The following MICU1 variants were observed in gnomAD, a reference collection of about 807,000 sequenced individuals.
MICU1 encodes the protein mitochondrial calcium uptake 1, also known as calcium uptake protein 1, mitochondrial.
MICU1 carries 45 observed loss-of-function variants against 56.8 expected under a neutral mutation model. That is an observed-to-expected ratio of 0.79 (90% CI 0.62 to 1.02). MICU1 has a LOEUF of 1.02. Ranked by LOEUF, MICU1 falls within the 50% of genes least tolerant of loss-of-function variation. The pLI is 0.00. For synonymous variants in MICU1, 186 were observed against 195.1 expected, an observed-to-expected ratio of 0.95 and a Z score of 0.39; for missense variants, 504 against 587.1, an observed-to-expected ratio of 0.86 and a Z score of 1.46.
chr10:72,436,150 A>G (rs1320819619), intron 8 of MICU1, among the ~76,000 whole-genome samples: 1 of 152,128 alleles, frequency 6.6e-6, no homozygotes, highest in Non-Finnish European at 1.5e-5. Context: ...GCTGACAGAC[A>G]CCTCATATAG....
chr10:72,497,058 G>C (rs1178203383), intron 6 of MICU1, among the ~76,000 whole-genome samples: 2 of 151,578 alleles, frequency 1.3e-5, no homozygotes, highest in Non-Finnish European at 2.9e-5. Context: ...AAACAAATAA[G>C]AGTTTTCTTT....
At chr10:72,501,494 C>A (rs920976005) in intron 6 of MICU1, among the ~76,000 whole-genome samples, 10 of 151,434 alleles carry the variant, frequency 6.6e-5, no homozygotes, top group African/African-American at 2.2e-4. Flanking sequence ...TGTTACCTTG[C>A]CACCATGCTT....
intron 3 of MICU1, among the ~76,000 whole-genome samples, chr10:72,551,701 C>T (rs191576580): frequency 1.3e-5 from 2 of 152,202 alleles, no homozygotes; most frequent in East Asian, 3.9e-4. Context: ...GGGTACAATG[C>T]CATATATATG....
At chr10:72,508,997 A>C (rs780327853) in intron 5 of MICU1, among the ~76,000 whole-genome samples, 1 of 152,214 alleles carries the variant, frequency 6.6e-6, no homozygotes, top group Non-Finnish European at 1.5e-5. Flanking sequence ...AATCTCACAA[A>C]GAAAGTTAGT....
intron 4 of MICU1, among the ~76,000 whole-genome samples, chr10:72,547,364 CAATT>C (rs1356595879): frequency 6.6e-6 from 1 of 151,972 alleles, no homozygotes; most frequent in Non-Finnish European, 1.5e-5. Flanking sequence ...AAGCTCAATG[CAATT>C]AATGAGAAGT....
At chr10:72,433,429 ATTT>A (rs1230364146) in intron 8 of MICU1, among the ~76,000 whole-genome samples, 5 of 120,746 alleles carry the variant, frequency 4.1e-5, no homozygotes. Context: ...GTATTTTTGT[ATTT>A]TTTTTTTTTT....
At chr10:72,555,021 A>C in intron 3 of MICU1, among the ~76,000 whole-genome samples, 1 of 152,186 alleles carries the variant, frequency 6.6e-6, no homozygotes, top group East Asian at 1.9e-4. Flanking sequence ...TCTCAAAACA[A>C]AACAAAACAT....
intron 4 of MICU1, among the ~76,000 whole-genome samples, chr10:72,544,507 G>A (rs1293514537): frequency 6.6e-6 from 1 of 152,124 alleles, no homozygotes; most frequent in Non-Finnish European, 1.5e-5. Context: ...TGGATATGGT[G>A]GAAAGAAAAT....
intron 6 of MICU1, among the ~76,000 whole-genome samples, chr10:72,485,099 C>T (rs932446035): frequency 6.6e-6 from 1 of 151,924 alleles, no homozygotes; most frequent in Admixed American, 6.6e-5. Flanking sequence ...GAAAATTATT[C>T]AGCCAACAAG....
At position 72,491,734 on chromosome 10, in the gene MICU1, C is replaced by A. The variant is rs192874836; in HGVS notation, c.653-14478G>T. Among the ~76,000 whole-genome samples, 562 of 152,218 alleles carry A rather than the reference C, an allele frequency of 3.7e-3. 2 individuals are homozygous for A. Among genetic ancestry groups the A allele is most frequent in the African/African-American group, 0.013 (531 of 41,524 alleles). On this transcript the variant is annotated intron_variant, in intron 6 of 11. Coordinates refer to ENST00000361114, the MANE Select transcript of MICU1 (RefSeq NM_001195518.2). ...TGGAGGTACTCTAGGTACATACATA[C>A]ATTCAAGTGTAACTCTAAATCACTA...
chr10:72,385,808 C>A (rs936087291), intron 10 of MICU1, among the ~76,000 whole-genome samples: 1 of 152,122 alleles, frequency 6.6e-6, no homozygotes, highest in Non-Finnish European at 1.5e-5. Context: ...CTAGTCAGTC[C>A]CATAACTATG....
chr10:72,558,506 A>G (rs527518829), intron 3 of MICU1, among the ~76,000 whole-genome samples: 11 of 152,292 alleles, frequency 7.2e-5, no homozygotes, highest in Admixed American at 1.3e-4. Flanking sequence ...TAAAACCAGA[A>G]GAAGCTACGG....
At chr10:72,493,539 A>T (rs1274718275) in intron 6 of MICU1, among the ~76,000 whole-genome samples, 1 of 152,086 alleles carries the variant, frequency 6.6e-6, no homozygotes, top group East Asian at 1.9e-4. Flanking sequence ...CAAAGCCTTG[A>T]CCTGCTGGGC....
At chr10:72,603,661 G>A (rs1027247640) in intron 1 of MICU1, among the ~76,000 whole-genome samples, 12 of 151,824 alleles carry the variant, frequency 7.9e-5, no homozygotes, top group African/African-American at 2.9e-4. Context: ...AAAATTAGCC[G>A]GGTGTGGTGG....
intron 4 of MICU1, among the ~76,000 whole-genome samples, chr10:72,535,430 AT>A (rs1839608630): frequency 6.6e-6 from 1 of 152,228 alleles, no homozygotes; most frequent in African/African-American, 2.4e-5. Flanking sequence ...AAAATATAAG[AT>A]AGAATTATAG....
At position 72,528,815 on chromosome 10, in the gene MICU1, C is replaced by T. The variant is rs576450723; in HGVS notation, c.537+4931G>A. The T allele has an allele frequency of 3.5e-4, 65 of 183,926 alleles. No individual in the cohort carries two copies. In the South Asian group the frequency reaches 3.7e-3, roughly 10 times the overall value. 11.4% of individuals were successfully genotyped at this position (183,926 alleles called of 1,614,324 possible). Reference sequence around the variant, plus strand: ...AAATAATTAGAACTCGAATAAAGCACGAAGAAGTATTACATTATAGGAAAA... The same window carrying T: ...AAATAATTAGAACTCGAATAAAGCATGAAGAAGTATTACATTATAGGAAAA... On this transcript the variant is annotated intron_variant, in intron 5 of 11. Transcript: ENST00000361114.
chr10:72,502,571 GAGT>G (rs1235955124), intron 6 of MICU1, among the ~76,000 whole-genome samples: 2 of 152,170 alleles, frequency 1.3e-5, no homozygotes, highest in African/African-American at 4.8e-5. Context: ...CTATCCATCA[GAGT>G]AACAGATGAA....
intron 1 of MICU1, among the ~76,000 whole-genome samples, chr10:72,577,634 T>G (rs534238025): frequency 1.6e-4 from 25 of 152,148 alleles, no homozygotes; most frequent in Non-Finnish European, 2.5e-4. Context: ...AAGTGGAGCC[T>G]GAATAGCACA....
At chr10:72,547,830 G>A (rs746723174) in intron 4 of MICU1, among the ~76,000 whole-genome samples, 1 of 152,148 alleles carries the variant, frequency 6.6e-6, no homozygotes, top group African/African-American at 2.4e-5. Context: ...CAAGGTACCA[G>A]TGTGGAAGGA....
Sources: gnomAD v4.1 joint callset for allele counts (sites outside exome capture counted in the v4.1 genomes callset) on GRCh38, gnomAD v4.1.1 for gene constraint, MANE v1.5 for transcripts, NCBI Gene and HGNC (gene_info 2026-07-23, HGNC 2026-07-21) for gene names.